The following APC variants were observed in gnomAD, a reference collection of about 807,000 sequenced individuals.
The protein encoded by APC is APC regulator of Wnt signaling pathway, also known as adenomatous polyposis coli protein.
A neutral mutation model predicts 247.0 loss-of-function variants in APC; 72 were observed. The ratio of observed to expected loss-of-function variants is 0.29; its 90% CI spans 0.24 to 0.35. The LOEUF (loss-of-function observed/expected upper bound fraction) is 0.35. Among genes scored for constraint, APC ranks in the 10% least tolerant of loss-of-function variants. APC has a pLI of 1.00. For synonymous variants in APC, 1,254 were observed against 1,162.5 expected (o/e 1.08, Z -1.60); for missense variants, 3,400 against 3,360.7 (o/e 1.01, Z -0.29).
chr5:112,812,905 A>C (rs1762129114), intron 8 of APC, among the ~76,000 whole-genome samples: 1 of 152,222 alleles, frequency 6.6e-6, no homozygotes, highest in African/African-American at 2.4e-5. Flanking sequence ...AAGAGATGTA[A>C]GATGAGTCTT....
chr5:112,813,758 A>AG (rs902786237), intron 8 of APC, among the ~76,000 whole-genome samples: 3 of 151,730 alleles, frequency 2.0e-5, no homozygotes, highest in African/African-American at 7.3e-5. Flanking sequence ...TCTCTAAAAA[A>AG]AAAAAAAGAA....
intron 7 of APC, among the ~76,000 whole-genome samples, chr5:112,799,646 A>G (rs1760595047): frequency 1.3e-5 from 2 of 152,222 alleles, no homozygotes; most frequent in African/African-American, 4.8e-5. Context: ...ATGTGGGGGC[A>G]ATCATGCAGT....
At chr5:112,733,764 A>G (rs1752216691), upstream of APC, among the ~76,000 whole-genome samples, 4 of 152,196 alleles carry the variant, frequency 2.6e-5, no homozygotes, top group Non-Finnish European at 5.9e-5. Flanking sequence ...CCTAGGAACT[A>G]TTTTATTGTA....
intron 1 of APC, among the ~76,000 whole-genome samples, chr5:112,719,392 T>A: frequency 6.7e-6 from 1 of 149,698 alleles, no homozygotes. Context: ...TAATTTTTTT[T>A]TTTAATTTTT....
chr5:112,837,465 A>G, intron 15 of APC, 88 bp from the exon 16 acceptor site: 1 of 918,270 alleles, frequency 1.1e-6, no homozygotes, highest in African/African-American at 1.6e-5. Flanking sequence ...GTACAATCAT[A>G]TTATGCCTTT....
chr5:112,763,538 T>G (rs529856032), intron 2 of APC, among the ~76,000 whole-genome samples: 1 of 152,148 alleles, frequency 6.6e-6, no homozygotes, highest in Non-Finnish European at 1.5e-5. Flanking sequence ...AAGTTTTTAT[T>G]ATTTCTTTTT....
rs730881233 is a variant in APC at position 112,819,273 on chromosome 5, G to A, written c.1241G>A (p.Arg414His). 13 of 1,614,030 alleles carry A rather than the reference G, an allele frequency of 8.1e-6. No individual in the cohort carries two copies. The Admixed American group carries it at 1.2e-4, about 14-fold the overall frequency. The change falls in exon 10 of 16, where the codon CGC (arginine) becomes CAC (histidine). Residue 414 changes from arginine (R) to histidine (H), a missense_variant. Around this residue, in one of 9 missense-constraint regions of APC, gnomAD observed 199 missense variants for 212.5 expected, o/e 0.94. Transcript: ENST00000257430. ...IRVLHLLEQI[R>H]AYCETCWEWQ... Reference sequence around the variant, plus strand: ...GTCCTTCATCTTTTGGAACAGATACGCGCTTACTGTGAAACCTGTTGGGAG... The same window carrying A: ...GTCCTTCATCTTTTGGAACAGATACACGCTTACTGTGAAACCTGTTGGGAG...
chr5:112,785,856 A>G (rs1758884681), intron 6 of APC, among the ~76,000 whole-genome samples: 1 of 152,200 alleles, frequency 6.6e-6, no homozygotes. Flanking sequence ...AATGTGAAAA[A>G]TAAATCTAAA....
chr5:112,830,165 T>C (rs1434240865), intron 14 of APC, among the ~76,000 whole-genome samples: 1 of 152,176 alleles, frequency 6.6e-6, no homozygotes, highest in East Asian at 1.9e-4. Context: ...TGAAAATTTA[T>C]TAGATAGAAA....
chr5:112,753,346 T>C (rs1434753949), intron 1 of APC, among the ~76,000 whole-genome samples: 1 of 152,186 alleles, frequency 6.6e-6, no homozygotes, highest in Non-Finnish European at 1.5e-5. Flanking sequence ...CCCTATATCT[T>C]ACTGAAGAGG....
At chr5:112,766,229 A>G (rs1756299981) in intron 2 of APC, 97 bp from the exon 3 acceptor site, 1 of 857,826 alleles carries the variant, frequency 1.2e-6, no homozygotes, top group African/African-American at 1.7e-5. Context: ...GAGTGATCTG[A>G]ATTTTTTTCT....
At chr5:112,825,875 A>C (rs1403449857) in intron 11 of APC, among the ~76,000 whole-genome samples, 1 of 152,162 alleles carries the variant, frequency 6.6e-6, no homozygotes, top group South Asian at 2.1e-4. Flanking sequence ...GCTCTTCATA[A>C]AGACAGTGAC....
intron 7 of APC, among the ~76,000 whole-genome samples, chr5:112,795,726 A>G (rs1760146671): frequency 6.6e-6 from 1 of 152,262 alleles, no homozygotes; most frequent in South Asian, 2.1e-4. Flanking sequence ...ACACTTTTAG[A>G]TAGGCAAAGT....
chr5:112,743,420 AT>A (rs11341302), intron 1 of APC, among the ~76,000 whole-genome samples: 78,955 of 151,966 alleles, frequency 0.52, 21,242 homozygotes, highest in East Asian at 0.79. Context: ...CTGGTTCTCC[AT>A]TTTTTTTAAG....
At chr5:112,757,029 C>T (rs1027513980) in intron 2 of APC, among the ~76,000 whole-genome samples, 4 of 152,088 alleles carry the variant, frequency 2.6e-5, no homozygotes, top group African/African-American at 9.7e-5. Flanking sequence ...TTCAAATTTT[C>T]GGATTTAGAA....
upstream of APC, chr5:112,737,873 C>A (rs538251288): frequency 3.0e-6 from 3 of 985,532 alleles, no homozygotes; most frequent in African/African-American, 5.2e-5. Flanking sequence ...TGGTGCAGCC[C>A]GCCAGGGTGT....
chr5:112,802,284 A>G (rs746378833), intron 8 of APC, among the ~76,000 whole-genome samples: 4 of 152,130 alleles, frequency 2.6e-5, no homozygotes, highest in Non-Finnish European at 5.9e-5. Context: ...CTGAGTTAAA[A>G]CAAACATACT....
chr5:112,808,110 G>A (rs1032135739), intron 8 of APC, among the ~76,000 whole-genome samples: 3 of 152,020 alleles, frequency 2.0e-5, no homozygotes, highest in African/African-American at 2.4e-5. Context: ...AGCCGAGATC[G>A]CACCACTGCA....
At chr5:112,717,081 G>C (rs1280604558) in intron 1 of APC, among the ~76,000 whole-genome samples, 1 of 152,038 alleles carries the variant, frequency 6.6e-6, no homozygotes, top group Non-Finnish European at 1.5e-5. Context: ...CGTGATCTTG[G>C]CTCACTGCAA....
Sources: gnomAD v4.1 joint callset for allele counts (sites outside exome capture counted in the v4.1 genomes callset) on GRCh38, gnomAD v4.1.1 for gene constraint, gnomAD v4.1.1 regional missense constraint, MANE v1.5 for transcripts, NCBI Gene and HGNC (gene_info 2026-07-23, HGNC 2026-07-21) for gene names.